The following SNX13 variants were observed in gnomAD, a reference collection of about 807,000 sequenced individuals.
SNX13 encodes the protein sorting nexin-13.
SNX13 carries 45 observed loss-of-function variants against 133.6 expected under a neutral mutation model. The ratio of observed to expected loss-of-function variants is 0.34; its 90% confidence interval spans 0.27 to 0.43. The LOEUF (loss-of-function observed/expected upper bound fraction) is 0.43, where lower values mean the gene tolerates loss of function less well. Ranked by LOEUF, SNX13 falls within the 20% of genes least tolerant of loss-of-function variation. The probability of loss-of-function intolerance (pLI) is 1.00; values close to 1 mark genes in which losing one functional copy is unlikely to be tolerated. For missense variants in SNX13, 1,032 were observed against 1,145.1 expected (o/e 0.90, Z 1.43); for synonymous variants, 414 against 373.9 (o/e 1.11, Z -1.24).
intron 15 of SNX13, among the ~76,000 whole-genome samples, chr7:17,833,545 G>C (rs1386638064): frequency 6.6e-6 from 1 of 151,478 alleles, no homozygotes; most frequent in Admixed American, 6.6e-5. Context: ...ATCCTCACTG[G>C]AAAAAACTGA....
At chr7:17,933,774 A>C (rs1801693174) in intron 1 of SNX13, among the ~76,000 whole-genome samples, 1 of 147,744 alleles carries the variant, frequency 6.8e-6, no homozygotes, top group Non-Finnish European at 1.5e-5. Flanking sequence ...CCTAGGATTT[A>C]CATTCATTAG....
At chr7:17,914,889 T>G (rs1210645149) in intron 1 of SNX13, among the ~76,000 whole-genome samples, 1 of 152,146 alleles carries the variant, frequency 6.6e-6, no homozygotes, top group African/African-American at 2.4e-5. Flanking sequence ...TACCCTTGAA[T>G]GTAAATGGAA....
At chr7:17,835,735 G>GA (rs1212600289) in intron 13 of SNX13, among the ~76,000 whole-genome samples, 1 of 151,612 alleles carries the variant, frequency 6.6e-6, no homozygotes, top group African/African-American at 2.4e-5. Context: ...GATAAATCAA[G>GA]AAAGGAGAAA....
At chr7:17,905,509 T>G (rs1011434654) in intron 1 of SNX13, among the ~76,000 whole-genome samples, 4 of 152,222 alleles carry the variant, frequency 2.6e-5, no homozygotes, top group African/African-American at 9.6e-5. Flanking sequence ...TTAAATTGTC[T>G]TCAAAAGGCA....
At chr7:17,829,371 A>G (rs973977550) in intron 16 of SNX13, among the ~76,000 whole-genome samples, 8 of 151,510 alleles carry the variant, frequency 5.3e-5, no homozygotes, top group African/African-American at 7.2e-5. Context: ...GGCTGGATAT[A>G]TAAGAGAACT....
At chr7:17,874,698 A>G (rs1221020728) in intron 7 of SNX13, among the ~76,000 whole-genome samples, 1 of 152,226 alleles carries the variant, frequency 6.6e-6, no homozygotes, top group East Asian at 1.9e-4. Context: ...CTGGGAATAT[A>G]ATTGCATAAG....
chr7:17,873,442 G>A, intron 8 of SNX13, 86 bp downstream of exon 8: 1 of 550,372 alleles, frequency 1.8e-6, no homozygotes, highest in South Asian at 4.9e-5. Flanking sequence ...ATTTTTAAGA[G>A]TGTAACAGGG....
chr7:17,854,633 A>G (rs2128330495), intron 9 of SNX13, among the ~76,000 whole-genome samples: 1 of 152,306 alleles, frequency 6.6e-6, no homozygotes, highest in South Asian at 2.1e-4. Flanking sequence ...GTGATCAGTG[A>G]TCTTTGATAT....
intron 20 of SNX13, among the ~76,000 whole-genome samples, chr7:17,810,595 C>T (rs1210392816): frequency 6.6e-6 from 1 of 152,206 alleles, no homozygotes; most frequent in Admixed American, 6.5e-5. Flanking sequence ...GGTACCGTTC[C>T]TTCTGAAACT....
chr7:17,814,543 C>T (rs1159773301), intron 20 of SNX13, among the ~76,000 whole-genome samples: 1 of 151,986 alleles, frequency 6.6e-6, no homozygotes, highest in African/African-American at 2.4e-5. Context: ...TGAAACATTT[C>T]CCTCTAAAGA....
At chr7:17,917,339 G>A (rs7788996) in intron 1 of SNX13, among the ~76,000 whole-genome samples, 10,370 of 152,078 alleles carry the variant, frequency 0.068, 480 homozygotes, top group South Asian at 0.15. Flanking sequence ...GAAAGAAAAC[G>A]CATCCAAATA....
At chr7:17,923,739 T>G (rs971657440) in intron 1 of SNX13, among the ~76,000 whole-genome samples, 1 of 152,138 alleles carries the variant, frequency 6.6e-6, no homozygotes, top group Admixed American at 6.5e-5. Context: ...CTCGGAGTTG[T>G]GGCTAATCAG....
intron 20 of SNX13, among the ~76,000 whole-genome samples, chr7:17,804,289 C>A (rs972162040): frequency 6.6e-6 from 1 of 152,076 alleles, no homozygotes; most frequent in East Asian, 1.9e-4. Flanking sequence ...TTCAAGGCAA[C>A]AGTTAGGTAT....
At chr7:17,797,282 G>T (rs1194178312) in intron 24 of SNX13, among the ~76,000 whole-genome samples, 1 of 151,716 alleles carries the variant, frequency 6.6e-6, no homozygotes, top group Non-Finnish European at 1.5e-5. Context: ...TCATCCAAAT[G>T]CAACCCTACA....
At chr7:17,916,262 G>A (rs1036364114) in intron 1 of SNX13, among the ~76,000 whole-genome samples, 1 of 151,984 alleles carries the variant, frequency 6.6e-6, no homozygotes, top group African/African-American at 2.4e-5. Context: ...CCAAAAACGA[G>A]CAGAAGAATA....
At chr7:17,911,595 G>A (rs1184048205) in intron 1 of SNX13, among the ~76,000 whole-genome samples, 1 of 148,562 alleles carries the variant, frequency 6.7e-6, no homozygotes, top group African/African-American at 2.5e-5. Context: ...CCAAGATCGC[G>A]CCACTGCACT....
chr7:17,857,234 G>A (rs892873660), intron 9 of SNX13, among the ~76,000 whole-genome samples: 1 of 152,128 alleles, frequency 6.6e-6, no homozygotes, highest in Non-Finnish European at 1.5e-5. Flanking sequence ...TAAGACTGAG[G>A]CAGTAGTAAA....
intron 2 of SNX13, among the ~76,000 whole-genome samples, chr7:17,894,352 C>T (rs1796975341): frequency 6.6e-6 from 1 of 151,148 alleles, no homozygotes. Context: ...TAGCTAATAA[C>T]CATGGATAAA....
rs557305375 is a variant in SNX13, at chr7:17,820,676, T to A, written c.1845+833A>T. 4.6e-5 allele frequency among the ~76,000 whole-genome samples: 7 copies of A among 152,278 alleles called. No homozygotes were observed. In the East Asian group the frequency reaches 1.2e-3, roughly 25 times the overall value. On this transcript the variant is annotated intron_variant, in intron 18 of 25. Coordinates refer to ENST00000428135, the MANE Select transcript of SNX13 (RefSeq NM_015132.5). Reference sequence around the variant, plus strand: ...CTATATATTTTCCACTATATTAAGTTGAAAAAGATAATTTCTGATTTCTAA... The same window carrying A: ...CTATATATTTTCCACTATATTAAGTAGAAAAAGATAATTTCTGATTTCTAA...
Sources: gnomAD v4.1 joint callset for allele counts (sites outside exome capture counted in the v4.1 genomes callset) on GRCh38, gnomAD v4.1.1 for gene constraint, MANE v1.5 for transcripts, NCBI Gene and HGNC (gene_info 2026-07-23, HGNC 2026-07-21) for gene names.